The following MEF2B variants were observed in gnomAD, a reference collection of about 807,000 sequenced individuals.
MEF2B encodes the protein myocyte-specific enhancer factor 2B.
In MEF2B, 15 loss-of-function variants were observed where a neutral mutation model predicts 32.2. The observed-to-expected ratio is 0.47, with a 90% CI of 0.31 to 0.72. The LOEUF (loss-of-function observed/expected upper bound fraction) is 0.72, where lower values mean the gene tolerates loss of function less well. MEF2B is among the 30% of genes least tolerant of loss of function. The pLI is 0.05. For missense variants in MEF2B, 441 were observed against 511.5 expected, an observed-to-expected ratio of 0.86 and a Z score of 1.33; for synonymous variants, 205 against 225.6, an observed-to-expected ratio of 0.91 and a Z score of 0.82.
chr19:19,154,602 C>T (rs1245354286), intron 1 of MEF2B, among the ~76,000 whole-genome samples: 2 of 152,178 alleles, frequency 1.3e-5, no homozygotes, highest in East Asian at 1.9e-4. Context: ...CACCACCACA[C>T]CTGGCTAATT....
intron 2 of MEF2B, 140 bp from the exon 3 acceptor site, chr19:19,149,569 C>A (rs754667842): frequency 6.0e-5 from 72 of 1,196,388 alleles, no homozygotes; most frequent in Non-Finnish European, 7.9e-5. Flanking sequence ...TCTCATGTCA[C>A]AACCTGGCAA....
intron 3 of MEF2B, among the ~76,000 whole-genome samples, chr19:19,148,623 C>T (rs944571856): frequency 4.6e-5 from 7 of 152,126 alleles, no homozygotes; most frequent in Non-Finnish European, 7.3e-5. Context: ...AGTCCCAGCC[C>T]GCTGCTCTCT....
At chr19:19,156,502 G>A (rs959662574) in intron 1 of MEF2B, among the ~76,000 whole-genome samples, 1 of 151,890 alleles carries the variant, frequency 6.6e-6, no homozygotes, top group Admixed American at 6.6e-5. Flanking sequence ...CTCTAAAAAA[G>A]AATAATAATT....
intron 3 of MEF2B, 66 bp from the exon 4 acceptor site, chr19:19,147,898 G>A (rs943696749): frequency 3.5e-5 from 55 of 1,560,204 alleles, no homozygotes; most frequent in Non-Finnish European, 6.1e-6. Context: ...CCAGTTCTAT[G>A]GGAGAGGGGA....
intron 1 of MEF2B, among the ~76,000 whole-genome samples, chr19:19,154,454 G>A (rs1276705843): frequency 3.3e-5 from 5 of 151,988 alleles, no homozygotes; most frequent in South Asian, 4.1e-4. Context: ...GAGCCACCGC[G>A]CCCAGCCTTT....
intron 1 of MEF2B, among the ~76,000 whole-genome samples, chr19:19,162,714 G>A (rs1420050052): frequency 2.0e-5 from 3 of 152,180 alleles, no homozygotes; most frequent in African/African-American, 7.2e-5. Flanking sequence ...CACGGTGAGT[G>A]GGACCCTCTG....
rs368120349 is a variant in MEF2B, at chr19:19,146,761, C to A, written c.656G>T (p.Arg219Leu). 6.2e-7 allele frequency: 1 copy of A among 1,613,926 alleles called. No homozygotes were observed. The highest frequency in any genetic ancestry group is 8.5e-7 in the Non-Finnish European group (1 of 1,179,970). ...SDLPGGLAGP[R>L]GGLNTSRSLY... Reference sequence around the variant, plus strand: ...ACTCACGGAGGTGTTTAGTCCCCCTCGGGGCCCAGCCAGGCCACCAGGCAG... The same window carrying A: ...ACTCACGGAGGTGTTTAGTCCCCCTAGGGGCCCAGCCAGGCCACCAGGCAG... The change falls in exon 6 of 9, where the codon CGA becomes CTA. Residue 219 changes from arginine (R) to leucine (L), a missense_variant. By Grantham distance (102) the Arg-to-Leu change is moderately radical (BLOSUM62 -2). Transcript: ENST00000424583.
rs2060031157 is a variant in MEF2B, at chr19:19,146,865, G to A, written c.552C>T (p.His184=). ...TGAGGTGGCTTGGTGAGAAGAGAGG[G>A]TGCACCAGGCCTGGGGAAGAGGAGA... is the stretch of plus-strand genomic sequence containing the variant. ...APKAGPPGLV[H]PLFSPSHLTS... Residue 184 remains histidine, a synonymous_variant, in exon 6 of 9, where the codon CAC becomes CAT. Coordinates refer to ENST00000424583, the MANE Select transcript of MEF2B (RefSeq NM_001145785.2). 2 of 1,612,496 alleles carry A rather than the reference G, an allele frequency of 1.2e-6. No individual in the cohort carries two copies. Among genetic ancestry groups the A allele is most frequent in the Middle Eastern group, 1.7e-4 (1 of 6,036 alleles).
intron 1 of MEF2B, among the ~76,000 whole-genome samples, chr19:19,161,209 T>A (rs2060159011): frequency 6.6e-6 from 1 of 151,622 alleles, no homozygotes; most frequent in Non-Finnish European, 1.5e-5. Context: ...TGGGGTCACC[T>A]CTCCATCCTG....
In MEF2B at chr19:19,170,230, T is replaced by C. The variant is rs2060243184; in HGVS notation, c.-55A>G. On this transcript the variant is annotated 5_prime_UTR_variant, in exon 1 of 9. Coordinates refer to ENST00000424583, the MANE Select transcript of MEF2B (RefSeq NM_001145785.2). Reference sequence around the variant, plus strand: ...CTGCTCGGCCTGGGCCCTGGGACGCTGGGCGCACGGACCCGCGGCGGCTGC... The same window carrying C: ...CTGCTCGGCCTGGGCCCTGGGACGCCGGGCGCACGGACCCGCGGCGGCTGC... The C allele has an allele frequency of 2.5e-6, 1 of 398,388 alleles. No individual in the cohort carries two copies. Among genetic ancestry groups the C allele is most frequent in the South Asian group, 1.3e-4 (1 of 7,864 alleles). The allele number at this position is 398,388 out of a possible 1,614,324, so 24.7% of individuals were successfully genotyped here.
chr19:19,169,666 A>C (rs2060237225), intron 1 of MEF2B, among the ~76,000 whole-genome samples: 1 of 152,110 alleles, frequency 6.6e-6, no homozygotes, highest in African/African-American at 2.4e-5. Context: ...CCACACGGGG[A>C]TGTGACTCTT....
Position 19,145,929 on chromosome 19 carries a change from C to A in MEF2B, c.975G>T (p.Pro325=). ...PVSIKSERLS[P]APGGPGDFPK... is the part of the protein sequence containing the mutation. ...GAAAGTCGCCGGGGCCCCCGGGGGC[C>A]GGAGAGAGGCGCTCAGACTTGATGC... is the stretch of plus-strand genomic sequence containing the variant. The change falls in exon 9 of 9, where the codon CCG becomes CCT. Residue 325 remains proline, a synonymous_variant. Coordinates refer to ENST00000424583, the MANE Select transcript of MEF2B (RefSeq NM_001145785.2). The surrounding 1 kb of genome is among the most constrained non-coding windows in gnomAD (Gnocchi z 4.6). 1 of 1,429,506 alleles carries A rather than the reference C, an allele frequency of 7.0e-7. No homozygotes were observed. Among genetic ancestry groups the A allele is most frequent in the Non-Finnish European group, 9.2e-7 (1 of 1,090,456 alleles). The allele number at this position is 1,429,506 out of a possible 1,614,324, so 88.6% of individuals were successfully genotyped here.
chr19:19,154,372 C>T (rs2060105986), intron 1 of MEF2B, among the ~76,000 whole-genome samples: 1 of 151,978 alleles, frequency 6.6e-6, no homozygotes, highest in African/African-American at 2.4e-5. Flanking sequence ...CCATATTGGT[C>T]AGGTTGGTCT....
chr19:19,159,479 G>T (rs1166417066), intron 1 of MEF2B, among the ~76,000 whole-genome samples: 1 of 151,904 alleles, frequency 6.6e-6, no homozygotes, highest in Non-Finnish European at 1.5e-5. Context: ...GTCTGTTCAG[G>T]CTAGAGTGAG....
At chr19:19,159,953 A>AGG (rs2146374373) in intron 1 of MEF2B, among the ~76,000 whole-genome samples, 1 of 146,354 alleles carries the variant, frequency 6.8e-6, no homozygotes, top group South Asian at 2.2e-4. Flanking sequence ...GGTAGGGAGC[A>AGG]GGGGTCTACT....
At chr19:19,148,279 C>T (rs1386266641) in intron 3 of MEF2B, among the ~76,000 whole-genome samples, 1 of 152,220 alleles carries the variant, frequency 6.6e-6, no homozygotes, top group Non-Finnish European at 1.5e-5. Context: ...GCCTGGCCAA[C>T]ATGGTAAGAC....
intron 3 of MEF2B, 46 bp from the exon 4 acceptor site, chr19:19,147,878 C>T (rs1204710296): frequency 1.9e-6 from 3 of 1,579,282 alleles, no homozygotes; most frequent in Middle Eastern, 1.7e-4. Flanking sequence ...CCCTACCCCA[C>T]CCAGGGAACC....
At chr19:19,165,716 G>C (rs2060202451) in intron 1 of MEF2B, among the ~76,000 whole-genome samples, 1 of 152,200 alleles carries the variant, frequency 6.6e-6, no homozygotes, top group South Asian at 2.1e-4. Context: ...CCTGTGGCCT[G>C]TTGGAGCAGG....
At chr19:19,162,597 C>T (rs1238210940) in intron 1 of MEF2B, among the ~76,000 whole-genome samples, 1 of 152,176 alleles carries the variant, frequency 6.6e-6, no homozygotes, top group Non-Finnish European at 1.5e-5. Flanking sequence ...GTCCCTCTGG[C>T]ACCCATGGGG....
Sources: allele counts gnomAD v4.1 joint callset (sites outside exome capture counted in the v4.1 genomes callset), GRCh38; gene constraint gnomAD v4.1.1; non-coding constraint Gnocchi (gnomAD v3.1); transcripts MANE v1.5; gene names NCBI Gene and HGNC (gene_info 2026-07-23, HGNC 2026-07-21).